The following ATP2C2 variants were observed in gnomAD, a reference collection of about 807,000 sequenced individuals.
ATP2C2 encodes calcium-transporting ATPase type 2C member 2.
ATP2C2 carries 171 observed loss-of-function variants against 110.8 expected under a neutral mutation model. The observed-to-expected ratio is 1.54, with a 90% CI of 1.36 to 1.75. The LOEUF is 1.75. Among genes scored for constraint, ATP2C2 ranks in the 40% most tolerant of loss-of-function variants. The pLI, the probability that ATP2C2 is intolerant of heterozygous loss-of-function variation, is 0.00. For missense variants in ATP2C2, 1,963 were observed against 1,235.0 expected, an observed-to-expected ratio of 1.59 and a Z score of -8.84; for synonymous variants, 804 against 508.4, an observed-to-expected ratio of 1.58 and a Z score of -7.82.
intron 16 of ATP2C2, among the ~76,000 whole-genome samples, chr16:84,446,840 C>A (rs144400541): frequency 6.6e-6 from 1 of 152,176 alleles, no homozygotes; most frequent in South Asian, 2.1e-4. Flanking sequence ...CTGCTAACAC[C>A]AGTCGCCAAC....
At chr16:84,426,443 C>A (rs1400621989) in intron 11 of ATP2C2, among the ~76,000 whole-genome samples, 5 of 152,136 alleles carry the variant, frequency 3.3e-5, no homozygotes, top group African/African-American at 1.2e-4. Flanking sequence ...TATCAGCTTT[C>A]TTGTCACTCT....
chr16:84,401,958 A>G (rs1414902712), intron 2 of ATP2C2, among the ~76,000 whole-genome samples: 4 of 151,866 alleles, frequency 2.6e-5, no homozygotes, highest in African/African-American at 7.3e-5. Flanking sequence ...TTTCCAACCC[A>G]TGAACATGGA....
intron 6 of ATP2C2, among the ~76,000 whole-genome samples, chr16:84,413,244 T>C (rs1196869070): frequency 1.3e-5 from 2 of 152,060 alleles, no homozygotes; most frequent in East Asian, 1.9e-4. Flanking sequence ...GGGAGAGCTT[T>C]AGTATATATC....
At chr16:84,418,769 T>A (rs181244970) in intron 7 of ATP2C2, among the ~76,000 whole-genome samples, 1 of 152,306 alleles carries the variant, frequency 6.6e-6, no homozygotes, top group Non-Finnish European at 1.5e-5. Flanking sequence ...TGGCACTGCC[T>A]CTCCCCCTGA....
At chr16:84,410,790 T>C (rs751538552) in intron 6 of ATP2C2, 25 bp downstream of exon 6, 46 of 1,609,522 alleles carry the variant, frequency 2.9e-5, no homozygotes, top group Middle Eastern at 1.7e-4. Flanking sequence ...CCCTGGGACT[T>C]TTTGGTTCAC....
chr16:84,389,173 G>A (rs1271220869), intron 1 of ATP2C2, among the ~76,000 whole-genome samples: 1 of 152,114 alleles, frequency 6.6e-6, no homozygotes, highest in Non-Finnish European at 1.5e-5. Context: ...CACAACCTAA[G>A]GCATTTGGGA....
chr16:84,416,105 C>T (rs1055624802), intron 7 of ATP2C2, among the ~76,000 whole-genome samples: 16 of 152,240 alleles, frequency 1.1e-4, no homozygotes, highest in Admixed American at 4.6e-4. Context: ...ACCCGGGAGG[C>T]GGAGGTTGCA....
rs751703294 is a variant in ATP2C2, at chr16:84,454,860, G to T, written c.2023G>T (p.Gly675Trp). 9.3e-6 allele frequency: 15 copies of T among 1,613,510 alleles called. No homozygotes were observed. The highest frequency in any genetic ancestry group is 1.3e-5 in the Non-Finnish European group (15 of 1,179,742). ...SGAIVAMTGD[G>W]VNDAVALKSA... ...GGCGATCGTGGCCATGACTGGGGAT[G>T]GGGTGAACGACGCAGTGGCCCTGAA... The change falls in exon 21 of 27, where the codon GGG becomes TGG. Residue 675 changes from glycine (G) to tryptophan (W), a missense_variant. Transcript: ENST00000262429.
At position 84,423,244 on chromosome 16, in the gene ATP2C2, C is replaced by G. The variant is rs752538856; in HGVS notation, c.900C>G (p.Leu300=). The change falls in exon 10 of 27, where the codon CTC becomes CTG. Residue 300 remains leucine (L), a synonymous_variant. Coordinates refer to ENST00000262429, the MANE Select transcript of ATP2C2 (RefSeq NM_014861.4). ...SMDRLGKQLT[L]FSFGIIGLIM... ...ACAGGCTAGGAAAGCAACTGACACT[C>G]TTCTCCTTTGGCATAATCGGTGAGT... 3.7e-6 allele frequency: 6 copies of G among 1,613,962 alleles called. No individual in the cohort carries two copies. Among genetic ancestry groups the G allele is most frequent in the South Asian group, 1.1e-5 (1 of 91,074 alleles).
chr16:84,459,891 GGTGCTCAGGAGT>G (rs1476779155), intron 23 of ATP2C2: 3 of 335,344 alleles, frequency 8.9e-6, no homozygotes, highest in Non-Finnish European at 1.7e-5. Flanking sequence ...CCACTCAGTA[GGTGCTCAGGAGT>G]CCACCCGCTC....
intron 1 of ATP2C2, among the ~76,000 whole-genome samples, chr16:84,372,678 C>A (rs867922213): frequency 6.6e-6 from 1 of 152,144 alleles, no homozygotes; most frequent in South Asian, 2.1e-4. Flanking sequence ...CCTGCCTCAG[C>A]CTCCCAAAGT....
At chr16:84,376,641 G>A (rs887354071) in intron 1 of ATP2C2, among the ~76,000 whole-genome samples, 1 of 152,196 alleles carries the variant, frequency 6.6e-6, no homozygotes, top group South Asian at 2.1e-4. Flanking sequence ...CAAAAGATTG[G>A]ACACCCCTTG....
At chr16:84,404,524 G>C (rs73243733) in intron 2 of ATP2C2, 6,618 of 180,416 alleles carry the variant, frequency 0.037, 173 homozygotes, top group African/African-American at 0.082. Flanking sequence ...GCACGTGTCA[G>C]CATTTTCTTT....
chr16:84,425,608 T>G, intron 10 of ATP2C2, 127 bp from the exon 11 acceptor site: 4 of 1,027,518 alleles, frequency 3.9e-6, no homozygotes, highest in African/African-American at 3.2e-5. Flanking sequence ...TGAAAGTGGT[T>G]GAGGTTATCA....
At chr16:84,413,347 GC>G (rs1906556770) in intron 6 of ATP2C2, among the ~76,000 whole-genome samples, 1 of 152,150 alleles carries the variant, frequency 6.6e-6, no homozygotes, top group Non-Finnish European at 1.5e-5. Flanking sequence ...CATTCAAGGG[GC>G]GTGTGTGTAT....
intron 1 of ATP2C2, among the ~76,000 whole-genome samples, chr16:84,381,926 G>A (rs72804646): frequency 0.14 from 22,019 of 152,202 alleles, 2,071 homozygotes; most frequent in South Asian, 0.25. Flanking sequence ...GGCCCAGGGC[G>A]GCCTGAATTC....
intron 26 of ATP2C2, chr16:84,462,407 G>A (rs928299205): frequency 1.4e-5 from 5 of 364,248 alleles, no homozygotes; most frequent in South Asian, 5.2e-5. Context: ...CGGGCTGGAG[G>A]CTCAGAGCAC....
Position 84,439,539 on chromosome 16 carries a change from A to G in ATP2C2, c.1209+15A>G, listed in dbSNP as rs995109753. On this transcript the variant is annotated intron_variant, in intron 13 of 26. Transcript: ENST00000262429. ...TTCGTGCCGAGGTGAGTGCCAAAGGAATTTACAAGCCTTAAGGATGCACCC... is the reference window on the plus strand; with the variant it reads ...TTCGTGCCGAGGTGAGTGCCAAAGGGATTTACAAGCCTTAAGGATGCACCC... 3.1e-6 allele frequency: 5 copies of G among 1,612,308 alleles called. No individual in the cohort carries two copies. In the African/African-American group the frequency reaches 6.7e-5, roughly 22 times the overall value.
At chr16:84,393,170 AC>A (rs1225075120) in intron 1 of ATP2C2, among the ~76,000 whole-genome samples, 1 of 152,208 alleles carries the variant, frequency 6.6e-6, no homozygotes, top group Non-Finnish European at 1.5e-5. Context: ...GTTTCTGGAA[AC>A]AGAGTGGACA....
Sources: allele counts gnomAD v4.1 joint callset (sites outside exome capture counted in the v4.1 genomes callset), GRCh38; gene constraint gnomAD v4.1.1; transcripts MANE v1.5; gene names NCBI Gene and HGNC (gene_info 2026-07-23, HGNC 2026-07-21).